The following BCAS3 variants were observed in gnomAD, a reference collection of about 807,000 sequenced individuals.
BCAS3 encodes BCAS3 microtubule associated cell migration factor, also known as BCAS4/BCAS3 fusion.
Under a neutral mutation model 116.1 loss-of-function variants are expected in BCAS3, and 53 were observed. The observed-to-expected ratio is 0.46, with a 90% CI of 0.37 to 0.57. The LOEUF (loss-of-function observed/expected upper bound fraction) is 0.57. Ranked by LOEUF, BCAS3 falls within the 20% of genes least tolerant of loss-of-function variation. The probability of loss-of-function intolerance (pLI) is 0.00; values close to 1 mark genes in which losing one functional copy is unlikely to be tolerated. For missense variants in BCAS3, 917 were observed against 1,165.4 expected, an observed-to-expected ratio of 0.79 and a Z score of 3.10; for synonymous variants, 391 against 408.2, an observed-to-expected ratio of 0.96 and a Z score of 0.51.
At chr17:60,758,274 A>G (rs1255939316) in intron 6 of BCAS3, among the ~76,000 whole-genome samples, 1 of 152,082 alleles carries the variant, frequency 6.6e-6, no homozygotes, top group East Asian at 1.9e-4. Flanking sequence ...GTTTTTTCTA[A>G]TTATGTAAAA....
chr17:61,239,623 A>G lies in BCAS3; in HGVS notation c.2426-128704A>G, dbSNP rs1490159854. Reference sequence around the variant, plus strand: ...TTCAATGTGTTAATGTTTTAGGAGTAGCAGAGGATAACATGCAACTGTTAA... The same window carrying G: ...TTCAATGTGTTAATGTTTTAGGAGTGGCAGAGGATAACATGCAACTGTTAA... On this transcript the variant is annotated intron_variant, in intron 22 of 23. Transcript: ENST00000407086. The surrounding 1 kb of genome is among the most constrained non-coding windows in gnomAD (Gnocchi z 4.2). Among the ~76,000 whole-genome samples the G allele has an allele frequency of 6.6e-6, 1 of 152,226 alleles. No individual in the cohort carries two copies. Among genetic ancestry groups the G allele is most frequent in the Non-Finnish European group, 1.5e-5 (1 of 68,040 alleles).
At position 61,344,443 on chromosome 17, in the gene BCAS3, T is replaced by C. The variant is rs1227438236; in HGVS notation, c.2426-23884T>C. ...AGTGTCCCGTTGTCATTTAAGTCCT[T>C]GATTCTCTGAGACCACTATAGAGAC... On this transcript the variant is annotated intron_variant, in intron 22 of 23. Transcript: ENST00000407086. The surrounding 1 kb of genome is among the most constrained non-coding windows in gnomAD (Gnocchi z 4.1). Among the ~76,000 whole-genome samples, 1 of 152,172 alleles carries C rather than the reference T, an allele frequency of 6.6e-6. No homozygotes were observed. The highest frequency in any genetic ancestry group is 1.5e-5 in the Non-Finnish European group (1 of 68,046).
intron 22 of BCAS3, among the ~76,000 whole-genome samples, chr17:61,209,451 A>G (rs768922340): frequency 2.9e-4 from 44 of 152,340 alleles, no homozygotes; most frequent in Non-Finnish European, 4.6e-4. Flanking sequence ...GTAGATTGGG[A>G]GAATAGGAAA....
At chr17:60,836,408 C>T (rs759742667) in intron 7 of BCAS3, among the ~76,000 whole-genome samples, 22 of 152,016 alleles carry the variant, frequency 1.4e-4, no homozygotes, top group Admixed American at 2.0e-4. Context: ...CTCTGCCCTC[C>T]GGAAGCTTAT....
At chr17:61,292,849 A>T (rs997213517) in intron 22 of BCAS3, among the ~76,000 whole-genome samples, 7 of 152,146 alleles carry the variant, frequency 4.6e-5, no homozygotes, top group African/African-American at 1.4e-4. Context: ...TTTCATTTTT[A>T]AAAAATCTGC....
At chr17:61,046,084 ATAT>A (rs2068292683) in intron 19 of BCAS3, among the ~76,000 whole-genome samples, 1 of 36,530 alleles carries the variant, frequency 2.7e-5, no homozygotes, top group African/African-American at 2.5e-4. Context: ...ATATATATTT[ATAT>A]ATATATATAA....
intron 22 of BCAS3, among the ~76,000 whole-genome samples, chr17:61,167,529 A>G (rs923754572): frequency 6.6e-6 from 1 of 152,236 alleles, no homozygotes; most frequent in East Asian, 1.9e-4. Context: ...AGCTTCTGAC[A>G]CAATCTAGCA....
At chr17:60,841,623 G>A (rs968191962) in intron 7 of BCAS3, among the ~76,000 whole-genome samples, 1 of 147,660 alleles carries the variant, frequency 6.8e-6, no homozygotes, top group Non-Finnish European at 1.5e-5. Context: ...CTCGTGATCC[G>A]CCCGCCTCGG....
chr17:60,861,635 G>A (rs990202456), intron 7 of BCAS3, among the ~76,000 whole-genome samples: 1 of 152,138 alleles, frequency 6.6e-6, no homozygotes, highest in South Asian at 2.1e-4. Flanking sequence ...GTTTGTCATA[G>A]ATGGCTCTTA....
Position 61,188,866 on chromosome 17 carries a change from G to A in BCAS3, c.2425+104302G>A, listed in dbSNP as rs1428783948. Among the ~76,000 whole-genome samples, 1 of 152,154 alleles carries A rather than the reference G, an allele frequency of 6.6e-6. No homozygotes were observed. Among genetic ancestry groups the A allele is most frequent in the Admixed American group, 6.5e-5 (1 of 15,280 alleles). On this transcript the variant is annotated intron_variant, in intron 22 of 23. Transcript: ENST00000407086. The surrounding 1 kb of genome is among the most constrained non-coding windows in gnomAD (Gnocchi z 4.0). ...TGGCTCATGCCTATAATCCCAGCAC[G>A]TTGGGAGGCTGAGGTGGGAGGAGCC...
In BCAS3 at chr17:61,144,962, A is replaced by G. The variant is rs529125443; in HGVS notation, c.2425+60398A>G. Among the ~76,000 whole-genome samples the G allele has an allele frequency of 2.0e-5, 3 of 152,366 alleles. No homozygotes were observed. The highest frequency in any genetic ancestry group is 7.2e-5 in the African/African-American group (3 of 41,586). Reference sequence around the variant, plus strand: ...AAGGTTTAAAACATAAAAATATAAAAGTGCTTAAAATTTTCTTTCTGTTTC... The same window carrying G: ...AAGGTTTAAAACATAAAAATATAAAGGTGCTTAAAATTTTCTTTCTGTTTC... On this transcript the variant is annotated intron_variant, in intron 22 of 23. Coordinates refer to ENST00000407086, the MANE Select transcript of BCAS3 (RefSeq NM_017679.5). The surrounding 1 kb of genome is among the most constrained non-coding windows in gnomAD (Gnocchi z 5.0).
rs961883585 is a variant in BCAS3, at chr17:61,300,547, C to A, written c.2426-67780C>A. 6.6e-6 allele frequency among the ~76,000 whole-genome samples: 1 copy of A among 151,876 alleles called. No individual in the cohort carries two copies. Among genetic ancestry groups the A allele is most frequent in the South Asian group, 2.1e-4 (1 of 4,826 alleles). On this transcript the variant is annotated intron_variant, in intron 22 of 23. Coordinates refer to ENST00000407086, the MANE Select transcript of BCAS3 (RefSeq NM_017679.5). This position sits in a 1 kb window ranked among gnomAD's most constrained non-coding sequence, Gnocchi z 5.1. ...ATGTATGGCATCTTGACGCAGTGTT[C>A]CTGGCCAAAAAAGAAAAGAAAAGAA...
chr17:61,127,450 A>G (rs2076102550), intron 22 of BCAS3, among the ~76,000 whole-genome samples: 2 of 151,918 alleles, frequency 1.3e-5, no homozygotes, highest in African/African-American at 4.8e-5. Flanking sequence ...TCTGCTTACA[A>G]CTCATGAGCT....
At chr17:60,751,694 C>T (rs2144286521) in intron 6 of BCAS3, among the ~76,000 whole-genome samples, 1 of 152,196 alleles carries the variant, frequency 6.6e-6, no homozygotes, top group South Asian at 2.1e-4. Context: ...AGGCATGTGC[C>T]ACCACACCCG....
intron 4 of BCAS3, among the ~76,000 whole-genome samples, chr17:60,694,495 A>G (rs1598096360): frequency 6.6e-6 from 1 of 151,810 alleles, no homozygotes; most frequent in Admixed American, 6.6e-5. Context: ...GTGAGATTCC[A>G]TCTCAAAAAA....
intron 9 of BCAS3, among the ~76,000 whole-genome samples, chr17:60,879,318 G>A (rs2055900019): frequency 6.6e-6 from 1 of 152,196 alleles, no homozygotes; most frequent in Non-Finnish European, 1.5e-5. Flanking sequence ...CCTTTTTAGT[G>A]CATTGGTTAT....
chr17:61,191,920 A>C (rs1376925211), intron 22 of BCAS3, among the ~76,000 whole-genome samples: 1 of 152,136 alleles, frequency 6.6e-6, no homozygotes, highest in Non-Finnish European at 1.5e-5. Context: ...ACATAGGTAG[A>C]AAAATGTGAA....
At chr17:60,823,834 A>C (rs1598959651) in intron 7 of BCAS3, among the ~76,000 whole-genome samples, 1 of 152,162 alleles carries the variant, frequency 6.6e-6, no homozygotes, top group Non-Finnish European at 1.5e-5. Context: ...TTTCACACAG[A>C]GATTTTTCTT....
chr17:61,336,187 T>C (rs1322189562), intron 22 of BCAS3, among the ~76,000 whole-genome samples: 4 of 152,374 alleles, frequency 2.6e-5, no homozygotes, highest in South Asian at 4.1e-4. Flanking sequence ...CAGGACCGGA[T>C]TGATGATCTG....
Sources: gnomAD v4.1 joint callset for allele counts (sites outside exome capture counted in the v4.1 genomes callset) on GRCh38, gnomAD v4.1.1 for gene constraint, Gnocchi (gnomAD v3.1) non-coding constraint, MANE v1.5 for transcripts, NCBI Gene and HGNC (gene_info 2026-07-23, HGNC 2026-07-21) for gene names.